RBFOX1: variants seen among roughly 807,000 people sequenced by gnomAD.
The protein encoded by RBFOX1 is RNA binding fox-1 homolog 1, also known as RNA binding protein fox-1 homolog 1.
A neutral mutation model predicts 57.7 loss-of-function variants in RBFOX1; 8 were observed. The observed-to-expected ratio is 0.14, with a 90% CI of 0.08 to 0.25. The LOEUF is 0.25. Ranked by LOEUF, RBFOX1 falls within the 10% of genes least tolerant of loss-of-function variation. The pLI is 1.00. For missense variants in RBFOX1, 611 were observed against 548.5 expected (o/e 1.11, Z -1.14); for synonymous variants, 326 against 222.4 (o/e 1.47, Z -4.15).
At chr16:5,662,792 C>T (rs374191484) in intron 3 of RBFOX1, among the ~76,000 whole-genome samples, 8 of 152,304 alleles carry the variant, frequency 5.3e-5, no homozygotes, top group African/African-American at 1.9e-4. Flanking sequence ...ACTGTTTAGT[C>T]CCCTCCACTT....
chr16:5,646,182 A>ATTTTTTTTTTTTT (rs55685218), intron 3 of RBFOX1, among the ~76,000 whole-genome samples: 2 of 133,726 alleles, frequency 1.5e-5, no homozygotes, highest in Non-Finnish European at 1.6e-5. Context: ...GGCACGTGCT[A>ATTTTTTTTTTTTT]TTTTTTTTTT....
chr16:6,885,274 G>T (rs529469758), intron 3 of RBFOX1, among the ~76,000 whole-genome samples: 1 of 152,188 alleles, frequency 6.6e-6, no homozygotes, highest in Admixed American at 6.5e-5. Flanking sequence ...CTGGAAACTT[G>T]CTACAGACGC....
At chr16:5,269,876 T>C (rs906785662) in intron 1 of RBFOX1, among the ~76,000 whole-genome samples, 1 of 152,202 alleles carries the variant, frequency 6.6e-6, no homozygotes, top group African/African-American at 2.4e-5. Context: ...GATTCCAGGC[T>C]GGGCATGGTG....
chr16:7,085,358 C>CA (rs200042608), intron 4 of RBFOX1, among the ~76,000 whole-genome samples: 2,653 of 150,322 alleles, frequency 0.018, 28 homozygotes, highest in African/African-American at 0.024. Context: ...GCCAGTACTT[C>CA]AAAAAAAAAT....
chr16:6,696,560 G>A (rs1344083220), intron 3 of RBFOX1, among the ~76,000 whole-genome samples: 1 of 152,160 alleles, frequency 6.6e-6, no homozygotes, highest in Non-Finnish European at 1.5e-5. Flanking sequence ...TTTAATTCGA[G>A]TAATTTAGGA....
At chr16:7,312,343 G>C (rs557518310) in intron 4 of RBFOX1, among the ~76,000 whole-genome samples, 40 of 152,360 alleles carry the variant, frequency 2.6e-4, no homozygotes, top group African/African-American at 8.4e-4. Flanking sequence ...TCGCGGCGTT[G>C]CACTCCAGCC....
chr16:7,104,758 T>C (rs111934884), intron 4 of RBFOX1, among the ~76,000 whole-genome samples: 8 of 152,270 alleles, frequency 5.3e-5, no homozygotes, highest in African/African-American at 1.9e-4. Flanking sequence ...ACTTCATCCT[T>C]TCTTGAGTAT....
At chr16:6,124,295 C>G (rs978385164) in intron 1 of RBFOX1, among the ~76,000 whole-genome samples, 4 of 152,154 alleles carry the variant, frequency 2.6e-5, no homozygotes, top group African/African-American at 7.2e-5. Context: ...CACCTGGGCC[C>G]TACAGAAGCT....
chr16:7,230,963 C>G (rs1334472819), intron 4 of RBFOX1, among the ~76,000 whole-genome samples: 8 of 152,074 alleles, frequency 5.3e-5, no homozygotes, highest in East Asian at 1.9e-4. Context: ...TCACTGGTTT[C>G]CGAAGCTGGG....
At chr16:7,052,696 A>G (rs1322794879) in intron 4 of RBFOX1, among the ~76,000 whole-genome samples, 1 of 152,092 alleles carries the variant, frequency 6.6e-6, no homozygotes, top group African/African-American at 2.4e-5. Context: ...ATGTGCAGGG[A>G]GTGTTTGGTT....
At chr16:5,322,907 A>G (rs186230193) in intron 1 of RBFOX1, among the ~76,000 whole-genome samples, 4 of 152,218 alleles carry the variant, frequency 2.6e-5, no homozygotes, top group African/African-American at 7.2e-5. Context: ...TCCGGCATGA[A>G]TGGGTGGTTT....
At chr16:5,598,241 TAAA>T (rs1178081371) in intron 2 of RBFOX1, among the ~76,000 whole-genome samples, 1 of 148,708 alleles carries the variant, frequency 6.7e-6, no homozygotes, top group Non-Finnish European at 1.5e-5. Context: ...AAAAAATAAA[TAAA>T]AAAAGTAGTG....
intron 2 of RBFOX1, among the ~76,000 whole-genome samples, chr16:6,484,789 A>G (rs1027423000): frequency 2.2e-4 from 33 of 152,300 alleles, no homozygotes; most frequent in African/African-American, 7.7e-4. Flanking sequence ...AAACGTTATG[A>G]AATTATTTGC....
chr16:5,699,909 C>T (rs1328892283), intron 3 of RBFOX1, among the ~76,000 whole-genome samples: 1 of 152,318 alleles, frequency 6.6e-6, no homozygotes, highest in South Asian at 2.1e-4. Flanking sequence ...TCTCGGCTCA[C>T]TGCAAGTTCT....
intron 2 of RBFOX1, among the ~76,000 whole-genome samples, chr16:6,555,919 A>C (rs1392129522): frequency 6.6e-6 from 1 of 152,110 alleles, no homozygotes; most frequent in Non-Finnish European, 1.5e-5. Context: ...TGGGGATCAT[A>C]GGCATTCGGA....
chr16:6,804,575 G>C (rs910891337), intron 3 of RBFOX1, among the ~76,000 whole-genome samples: 1 of 152,168 alleles, frequency 6.6e-6, no homozygotes, highest in South Asian at 2.1e-4. Context: ...TACTGTGGAA[G>C]CTAGGAAGAT....
At chr16:5,702,284 G>A (rs552508010) in intron 3 of RBFOX1, among the ~76,000 whole-genome samples, 1 of 152,170 alleles carries the variant, frequency 6.6e-6, no homozygotes, top group Non-Finnish European at 1.5e-5. Flanking sequence ...CATGCCGGCA[G>A]GAGATAGAGC....
intron 3 of RBFOX1, among the ~76,000 whole-genome samples, chr16:5,690,887 C>T (rs904914749): frequency 2.6e-5 from 4 of 151,972 alleles, no homozygotes; most frequent in Admixed American, 2.0e-4. Context: ...CCAACAAAAC[C>T]CTGATTTGTT....
At chr16:5,284,520 T>G (rs2063344037) in intron 1 of RBFOX1, among the ~76,000 whole-genome samples, 1 of 151,762 alleles carries the variant, frequency 6.6e-6, no homozygotes, top group Admixed American at 6.6e-5. Flanking sequence ...GTCTTTTGCT[T>G]ATCTGGGAAA....
Sources: gnomAD v4.1 joint callset for allele counts (sites outside exome capture counted in the v4.1 genomes callset) on GRCh38, gnomAD v4.1.1 for gene constraint, MANE v1.5 for transcripts, NCBI Gene and HGNC (gene_info 2026-07-23, HGNC 2026-07-21) for gene names.